The following RUNDC3B variants were observed in gnomAD, a reference collection of about 807,000 sequenced individuals.
The protein encoded by RUNDC3B is RUN domain-containing protein 3B.
Under a neutral mutation model 58.4 loss-of-function variants are expected in RUNDC3B, and 33 were observed. The observed-to-expected ratio is 0.56, with a 90% CI of 0.43 to 0.75. The LOEUF is 0.75. Ranked by LOEUF, RUNDC3B falls within the 30% of genes least tolerant of loss-of-function variation. The pLI, the probability that RUNDC3B is intolerant of heterozygous loss-of-function variation, is 0.00. For synonymous variants in RUNDC3B, 193 were observed against 195.2 expected (o/e 0.99, Z 0.10); for missense variants, 501 against 535.7 (o/e 0.94, Z 0.64).
intron 8 of RUNDC3B, among the ~76,000 whole-genome samples, chr7:87,789,006 C>T (rs1835383831): frequency 6.6e-6 from 1 of 152,142 alleles, no homozygotes; most frequent in Non-Finnish European, 1.5e-5. Flanking sequence ...GATTTAACAT[C>T]AATCACATTG....
intron 1 of RUNDC3B, among the ~76,000 whole-genome samples, chr7:87,649,413 C>A (rs996811985): frequency 6.6e-6 from 1 of 152,014 alleles, no homozygotes; most frequent in Non-Finnish European, 1.5e-5. Flanking sequence ...GGAATTGTGT[C>A]CTAATAAGAT....
At chr7:87,756,952 C>T (rs1311043935) in intron 6 of RUNDC3B, among the ~76,000 whole-genome samples, 1 of 152,124 alleles carries the variant, frequency 6.6e-6, no homozygotes, top group East Asian at 1.9e-4. Flanking sequence ...AAAATTCTAA[C>T]TGGATGTCCT....
chr7:87,752,883 T>C (rs557405996), intron 6 of RUNDC3B, among the ~76,000 whole-genome samples: 1,741 of 151,966 alleles, frequency 0.011, 40 homozygotes, highest in African/African-American at 0.04. Context: ...CCTTCAGTTC[T>C]GCTCTGATTT....
chr7:87,705,605 T>G (rs1328501077), intron 3 of RUNDC3B, among the ~76,000 whole-genome samples: 1 of 152,212 alleles, frequency 6.6e-6, no homozygotes, highest in Non-Finnish European at 1.5e-5. Flanking sequence ...GCAGCTATTA[T>G]TTCTGTCATA....
At chr7:87,711,093 G>A (rs916107816) in intron 4 of RUNDC3B, among the ~76,000 whole-genome samples, 5 of 151,988 alleles carry the variant, frequency 3.3e-5, no homozygotes, top group African/African-American at 7.2e-5. Context: ...TTGGGAGGCC[G>A]AGGCTGGCAG....
intron 4 of RUNDC3B, among the ~76,000 whole-genome samples, chr7:87,734,933 C>G (rs1195545561): frequency 6.6e-6 from 1 of 152,122 alleles, no homozygotes; most frequent in African/African-American, 2.4e-5. Flanking sequence ...TAACATCTGA[C>G]TGTTCATATT....
intron 8 of RUNDC3B, among the ~76,000 whole-genome samples, chr7:87,805,172 C>A (rs1389464823): frequency 6.6e-6 from 1 of 152,168 alleles, no homozygotes; most frequent in Non-Finnish European, 1.5e-5. Flanking sequence ...AGGGACCCAC[C>A]ACTAAAGTGA....
intron 9 of RUNDC3B, among the ~76,000 whole-genome samples, chr7:87,811,391 TGGCACGATCTC>T (rs1396412453): frequency 1.3e-5 from 2 of 152,126 alleles, no homozygotes; most frequent in African/African-American, 4.8e-5. Context: ...TAGAGTGCAG[TGGCACGATCTC>T]GGCTCACCAC....
chr7:87,739,884 C>A lies in RUNDC3B; in HGVS notation c.548+4C>A. 1.4e-6 allele frequency: 2 copies of A among 1,468,574 alleles called. No homozygotes were observed. The highest frequency in any genetic ancestry group is 1.9e-6 in the Non-Finnish European group (2 of 1,063,790). The allele number at this position is 1,468,574 out of a possible 1,614,324, so 91.0% of individuals were successfully genotyped here. On this transcript the variant is annotated splice_donor_region_variant and intron_variant, in intron 5 of 10. Transcript: ENST00000394654. ...GACTCAATGCTATTGATTTCAGGTA[C>A]TTAACCAAATGCATTCAGTTTTTAA...
chr7:87,751,692 G>A (rs1008645262), intron 6 of RUNDC3B, among the ~76,000 whole-genome samples: 17 of 152,006 alleles, frequency 1.1e-4, no homozygotes, highest in South Asian at 2.1e-4. Flanking sequence ...GTCTGTTGGT[G>A]TATAAGAATG....
At chr7:87,708,019 G>C (rs913025788) in intron 3 of RUNDC3B, among the ~76,000 whole-genome samples, 2 of 152,002 alleles carry the variant, frequency 1.3e-5, no homozygotes, top group Non-Finnish European at 2.9e-5. Flanking sequence ...TGTGCTTAGA[G>C]GAATAGGCTT....
At chr7:87,666,990 A>G (rs1825319647) in intron 2 of RUNDC3B, among the ~76,000 whole-genome samples, 1 of 152,132 alleles carries the variant, frequency 6.6e-6, no homozygotes, top group Admixed American at 6.5e-5. Context: ...TTGGTTCAAT[A>G]TGAATTTTAA....
chr7:87,774,519 A>C (rs755590030), intron 7 of RUNDC3B, among the ~76,000 whole-genome samples: 1 of 152,148 alleles, frequency 6.6e-6, no homozygotes, highest in Non-Finnish European at 1.5e-5. Context: ...AATCTTAAGA[A>C]TGGAAGAATA....
intron 2 of RUNDC3B, among the ~76,000 whole-genome samples, chr7:87,687,993 C>T (rs1432387908): frequency 1.3e-5 from 2 of 152,120 alleles, no homozygotes; most frequent in African/African-American, 2.4e-5. Flanking sequence ...TCTGTAGTAA[C>T]ATATGAACAC....
intron 6 of RUNDC3B, among the ~76,000 whole-genome samples, chr7:87,743,297 C>G (rs1201646190): frequency 6.6e-6 from 1 of 152,136 alleles, no homozygotes; most frequent in East Asian, 1.9e-4. Flanking sequence ...GTATCTTTTT[C>G]AAATAATAAC....
At chr7:87,684,503 CT>C (rs1827243642) in intron 2 of RUNDC3B, among the ~76,000 whole-genome samples, 1 of 152,026 alleles carries the variant, frequency 6.6e-6, no homozygotes, top group Non-Finnish European at 1.5e-5. Context: ...AGACCCAGCA[CT>C]TTGGGAGGCC....
intron 10 of RUNDC3B, among the ~76,000 whole-genome samples, chr7:87,824,095 CAT>C (rs1325710601): frequency 6.6e-6 from 1 of 152,044 alleles, no homozygotes; most frequent in Non-Finnish European, 1.5e-5. Flanking sequence ...TTTGGGGGTA[CAT>C]GTGATAATTT....
At chr7:87,694,287 C>T (rs1190332863) in intron 2 of RUNDC3B, among the ~76,000 whole-genome samples, 1 of 152,098 alleles carries the variant, frequency 6.6e-6, no homozygotes, top group African/African-American at 2.4e-5. Flanking sequence ...ATAGATGTGG[C>T]ACCATAAACA....
intron 4 of RUNDC3B, among the ~76,000 whole-genome samples, chr7:87,734,958 CT>C (rs1831840440): frequency 6.6e-6 from 1 of 152,158 alleles, no homozygotes; most frequent in South Asian, 2.1e-4. Context: ...GGGCTCAGTC[CT>C]GCATTTTCTG....
Sources: gnomAD v4.1 joint callset for allele counts (sites outside exome capture counted in the v4.1 genomes callset) on GRCh38, gnomAD v4.1.1 for gene constraint, MANE v1.5 for transcripts, NCBI Gene and HGNC (gene_info 2026-07-23, HGNC 2026-07-21) for gene names.